TEAD1: variants seen among roughly 807,000 people sequenced by gnomAD.
TEAD1 encodes the protein TEA domain transcription factor 1.
Under a neutral mutation model 54.9 loss-of-function variants are expected in TEAD1, and 9 were observed. That is an observed-to-expected ratio of 0.16 (90% CI 0.10 to 0.29). The LOEUF is 0.29. Ranked by LOEUF, TEAD1 falls within the 10% of genes least tolerant of loss-of-function variation. The pLI, the probability that TEAD1 is intolerant of heterozygous loss-of-function variation, is 1.00. For missense variants in TEAD1, 387 were observed against 535.9 expected, an observed-to-expected ratio of 0.72 and a Z score of 2.74; for synonymous variants, 200 against 187.8, an observed-to-expected ratio of 1.07 and a Z score of -0.53.
intron 10 of TEAD1, among the ~76,000 whole-genome samples, chr11:12,917,555 G>A (rs1008632755): frequency 1.3e-5 from 2 of 152,184 alleles, no homozygotes; most frequent in Non-Finnish European, 2.9e-5. Flanking sequence ...ATGGGGTCTT[G>A]CTGTGTTGCC....
At chr11:12,739,214 ATCTATCTG>A (rs75833354) in intron 2 of TEAD1, among the ~76,000 whole-genome samples, 3,307 of 143,202 alleles carry the variant, frequency 0.023, 68 homozygotes, top group African/African-American at 0.058. Context: ...CTATCTATCT[ATCTATCTG>A]TCTATCTATC....
intron 9 of TEAD1, among the ~76,000 whole-genome samples, chr11:12,894,473 A>T (rs546824374): frequency 6.6e-6 from 1 of 152,254 alleles, no homozygotes; most frequent in African/African-American, 2.4e-5. Flanking sequence ...TGGAAGTTGT[A>T]CTGTTGTGGT....
intron 3 of TEAD1, 86 bp downstream of exon 3, chr11:12,764,520 T>A (rs1945163730): frequency 2.0e-6 from 3 of 1,483,970 alleles, no homozygotes; most frequent in Non-Finnish European, 2.8e-6. Flanking sequence ...CAGCAAGAGC[T>A]GTTCATTGTA....
chr11:12,865,012 A>C, intron 5 of TEAD1, 112 bp downstream of exon 5: 3 of 1,164,802 alleles, frequency 2.6e-6, no homozygotes, highest in Non-Finnish European at 3.9e-6. Flanking sequence ...GTTTCCTTGC[A>C]TGTGAGAGCT....
intron 3 of TEAD1, among the ~76,000 whole-genome samples, chr11:12,776,071 G>A (rs973376813): frequency 5.3e-5 from 8 of 152,132 alleles, no homozygotes; most frequent in African/African-American, 1.7e-4. Flanking sequence ...GTGGGTGGCT[G>A]AGGTATCAAG....
chr11:12,748,066 A>G (rs1944784761), intron 2 of TEAD1, among the ~76,000 whole-genome samples: 1 of 151,076 alleles, frequency 6.6e-6, no homozygotes, highest in Non-Finnish European at 1.5e-5. Flanking sequence ...GGTTCAAGTG[A>G]TTCTCCTGCT....
intron 2 of TEAD1, among the ~76,000 whole-genome samples, chr11:12,680,926 A>G (rs1023289345): frequency 2.0e-5 from 3 of 152,214 alleles, no homozygotes; most frequent in African/African-American, 7.2e-5. Flanking sequence ...TAGCTTATCA[A>G]TAGCATTTTG....
chr11:12,754,617 C>G (rs1434586452), intron 2 of TEAD1, among the ~76,000 whole-genome samples: 1 of 152,068 alleles, frequency 6.6e-6, no homozygotes, highest in Non-Finnish European at 1.5e-5. Context: ...TCCTTTTGGG[C>G]ATGTTAGAGC....
chr11:12,798,121 C>T (rs555438349), intron 3 of TEAD1, among the ~76,000 whole-genome samples: 1 of 152,316 alleles, frequency 6.6e-6, no homozygotes, highest in South Asian at 2.1e-4. Context: ...GCTCCAGCTA[C>T]ACTATTGTTT....
In TEAD1 at chr11:12,840,246, C is replaced by CAAAAAAAAAAAA. The variant is rs1176865272; in HGVS notation, c.203-21999_203-21988dup. On this transcript the variant is annotated intron_variant, in intron 3 of 12. Coordinates refer to ENST00000527636, the MANE Select transcript of TEAD1 (RefSeq NM_021961.6). ...TGGGCGACAGAGCGAGACTCTGCCTCAAAAAAAAAAAAAAAAGAAAAAAAA... is the reference window on the plus strand; with the variant it reads ...TGGGCGACAGAGCGAGACTCTGCCTCAAAAAAAAAAAAAAAAAAAAAAAAAAAAGAAAAAAAA... Among the ~76,000 whole-genome samples the CAAAAAAAAAAAA allele has an allele frequency of 5.3e-3, 168 of 31,458 alleles. 12 individuals carry two copies. Among genetic ancestry groups the CAAAAAAAAAAAA allele is most frequent in the Middle Eastern group, 0.019 (1 of 54 alleles). The allele number at this position is 31,458 out of a possible 152,430, so 20.6% of individuals were successfully genotyped here.
intron 9 of TEAD1, among the ~76,000 whole-genome samples, chr11:12,899,681 C>T (rs1480645492): frequency 1.3e-5 from 2 of 152,182 alleles, no homozygotes; most frequent in Non-Finnish European, 2.9e-5. Context: ...TATAGTATCT[C>T]CCAGCTTCTG....
intron 3 of TEAD1, among the ~76,000 whole-genome samples, chr11:12,848,196 A>T (rs1165902267): frequency 6.6e-6 from 1 of 152,114 alleles, no homozygotes; most frequent in Non-Finnish European, 1.5e-5. Flanking sequence ...GAGGGCAGAG[A>T]GTGTGTATTA....
In TEAD1 at chr11:12,781,951, C is replaced by CAAAAA. The variant is rs71454001; in HGVS notation, c.202+17533_202+17537dup. On this transcript the variant is annotated intron_variant, in intron 3 of 12. Coordinates refer to ENST00000527636, the MANE Select transcript of TEAD1 (RefSeq NM_021961.6). Reference sequence around the variant, plus strand: ...GCAACATGGTGAAACCTCGTCTGTACAAAAAAAAAAAAAAAAAAAAGAAAG... The same window carrying CAAAAA: ...GCAACATGGTGAAACCTCGTCTGTACAAAAAAAAAAAAAAAAAAAAAAAAAGAAAG... 1.2e-3 allele frequency among the ~76,000 whole-genome samples: 73 copies of CAAAAA among 61,502 alleles called. 2 individuals are homozygous for CAAAAA. Among genetic ancestry groups the CAAAAA allele is most frequent in the African/African-American group, 2.5e-3 (29 of 11,780 alleles). The allele number at this position is 61,502 out of a possible 152,430, so 40.3% of individuals were successfully genotyped here. A position where few individuals can be genotyped will look rare whatever the true frequency, so the allele number is the denominator to read the frequency against.
intron 11 of TEAD1, among the ~76,000 whole-genome samples, chr11:12,927,617 C>CCTAA (rs1207787053): frequency 6.6e-6 from 1 of 152,050 alleles, no homozygotes; most frequent in Non-Finnish European, 1.5e-5. Flanking sequence ...TTGCATCAAA[C>CCTAA]TTAGATGTTC....
intron 2 of TEAD1, among the ~76,000 whole-genome samples, chr11:12,688,400 A>G (rs955297759): frequency 2.0e-5 from 3 of 152,076 alleles, no homozygotes; most frequent in South Asian, 2.1e-4. Flanking sequence ...CCTCCTGTCT[A>G]CCTGTTTCTG....
chr11:12,688,770 A>G (rs1319453478), intron 2 of TEAD1, among the ~76,000 whole-genome samples: 1 of 152,198 alleles, frequency 6.6e-6, no homozygotes, highest in Non-Finnish European at 1.5e-5. Context: ...GTGAGTTTAA[A>G]TGAAATATAG....
intron 5 of TEAD1, among the ~76,000 whole-genome samples, chr11:12,867,709 T>A (rs1217164144): frequency 6.6e-6 from 1 of 152,066 alleles, no homozygotes; most frequent in Non-Finnish European, 1.5e-5. Flanking sequence ...TTTACCGAGG[T>A]CATCATGGGG....
chr11:12,867,039 G>T (rs1947633097), intron 5 of TEAD1, among the ~76,000 whole-genome samples: 1 of 152,148 alleles, frequency 6.6e-6, no homozygotes, highest in Non-Finnish European at 1.5e-5. Context: ...CCTCATTTAA[G>T]CTCACTATGA....
At chr11:12,698,743 C>G (rs1389101385) in intron 2 of TEAD1, among the ~76,000 whole-genome samples, 1 of 152,116 alleles carries the variant, frequency 6.6e-6, no homozygotes, top group Admixed American at 6.5e-5. Context: ...CCATCCCAGA[C>G]CTGCTGAATT....
Sources: gnomAD v4.1 joint callset for allele counts (sites outside exome capture counted in the v4.1 genomes callset) on GRCh38, gnomAD v4.1.1 for gene constraint, MANE v1.5 for transcripts, NCBI Gene and HGNC (gene_info 2026-07-23, HGNC 2026-07-21) for gene names.